CHRM2: variants seen among roughly 807,000 people sequenced by gnomAD.
The protein encoded by CHRM2 is cholinergic receptor muscarinic 2.
Under a neutral mutation model 25.0 loss-of-function variants are expected in CHRM2, and 8 were observed. The observed-to-expected ratio is 0.32, with a 90% CI of 0.19 to 0.58. The LOEUF (loss-of-function observed/expected upper bound fraction) is 0.58. Ranked by LOEUF, CHRM2 falls within the 20% of genes least tolerant of loss-of-function variation. CHRM2 has a pLI of 0.88. For synonymous variants in CHRM2, 202 were observed against 205.7 expected (o/e 0.98, Z 0.15); for missense variants, 440 against 567.1 (o/e 0.78, Z 2.28).
intron 2 of CHRM2, among the ~76,000 whole-genome samples, chr7:136,914,707 T>C (rs1279497641): frequency 6.6e-6 from 1 of 151,950 alleles, no homozygotes; most frequent in Non-Finnish European, 1.5e-5. Context: ...TTTTTGAGCC[T>C]CAGCTTTCTC....
At chr7:137,011,215 G>GTGTGTGTGTGTGTATATA in intron 3 of CHRM2, among the ~76,000 whole-genome samples, 66 of 134,326 alleles carry the variant, frequency 4.9e-4, no homozygotes, top group South Asian at 1.3e-3. Context: ...GTGTGTGTGT[G>GTGTGTGTGTGTGTATATA]TATATATATA....
intron 2 of CHRM2, among the ~76,000 whole-genome samples, chr7:136,875,258 GTATT>G (rs1796010100): frequency 6.6e-6 from 1 of 151,568 alleles, no homozygotes; most frequent in African/African-American, 2.4e-5. Flanking sequence ...AAGAGTGGAG[GTATT>G]TGTTAGGTGA....
At chr7:136,980,742 G>A (rs573990635) in intron 2 of CHRM2, among the ~76,000 whole-genome samples, 2 of 152,228 alleles carry the variant, frequency 1.3e-5, no homozygotes, top group Admixed American at 6.5e-5. Context: ...GATGGATTAC[G>A]TTTATTGATT....
intron 3 of CHRM2, among the ~76,000 whole-genome samples, chr7:137,011,355 G>A (rs968152084): frequency 6.6e-6 from 1 of 151,804 alleles, no homozygotes; most frequent in Non-Finnish European, 1.5e-5. Flanking sequence ...CAGAACTAGG[G>A]AAGTGGATGG....
intron 3 of CHRM2, among the ~76,000 whole-genome samples, chr7:137,003,522 A>T (rs1804210472): frequency 1.4e-5 from 1 of 70,084 alleles, no homozygotes; most frequent in African/African-American, 6.5e-5. Flanking sequence ...ACACACACAC[A>T]CACACACACA....
chr7:136,999,935 A>G (rs1654760109), intron 3 of CHRM2, among the ~76,000 whole-genome samples: 1 of 151,464 alleles, frequency 6.6e-6, no homozygotes. Context: ...AATTGTTATT[A>G]TATGGAATAA....
In CHRM2 at chr7:137,016,190, T is replaced by C; in HGVS notation, c.1325T>C (p.Leu442Pro). 6.2e-7 allele frequency: 1 copy of C among 1,613,084 alleles called. No homozygotes were observed. The highest frequency in any genetic ancestry group is 8.5e-7 in the Non-Finnish European group (1 of 1,179,354). ...NSTINPACYA[L>P]CNATFKKTFK... is the part of the protein sequence containing the mutation. ...ACTATCAACCCTGCCTGCTATGCAC[T>C]TTGCAATGCCACCTTCAAGAAGACC... is the stretch of plus-strand genomic sequence containing the variant. The change falls in exon 4 of 4, where the codon CTT (leucine) becomes CCT (proline). Residue 442 changes from leucine (L) to proline (P), a missense_variant. Physicochemically the swap from Leu to Pro is moderately conservative, Grantham distance 98 (BLOSUM62 -3). Coordinates refer to ENST00000680005, the MANE Select transcript of CHRM2 (RefSeq NM_001006630.2).
rs559018276 is a variant in CHRM2 at position 136,873,271 on chromosome 7, A to G, written c.-125+3853A>G. On this transcript the variant is annotated intron_variant, in intron 2 of 3. Transcript: ENST00000680005. Reference sequence around the variant, plus strand: ...TAAGTATACTGATTGCATATCCCACAGCTCACCTGGCCTATGTGGTGGAGG... The same window carrying G: ...TAAGTATACTGATTGCATATCCCACGGCTCACCTGGCCTATGTGGTGGAGG... Among the ~76,000 whole-genome samples, 16 of 152,320 alleles carry G rather than the reference A, an allele frequency of 1.1e-4. No individual in the cohort carries two copies. The South Asian group carries it at 2.7e-3, about 26-fold the overall frequency.
At chr7:136,909,690 A>G (rs903934445) in intron 2 of CHRM2, among the ~76,000 whole-genome samples, 1 of 151,912 alleles carries the variant, frequency 6.6e-6, no homozygotes, top group African/African-American at 2.4e-5. Context: ...CACTTCAAGC[A>G]TGTTTATATA....
chr7:136,912,972 T>C (rs1797923405), intron 2 of CHRM2, among the ~76,000 whole-genome samples: 1 of 151,882 alleles, frequency 6.6e-6, no homozygotes, highest in African/African-American at 2.4e-5. Context: ...GTAAGTGTTA[T>C]TATGTTAGTA....
chr7:136,944,140 C>CA (rs1387777533), intron 2 of CHRM2, among the ~76,000 whole-genome samples: 1 of 152,038 alleles, frequency 6.6e-6, no homozygotes, highest in Non-Finnish European at 1.5e-5. Flanking sequence ...TGTTTGGTTA[C>CA]ATGAATAATT....
intron 2 of CHRM2, among the ~76,000 whole-genome samples, chr7:136,911,851 T>A (rs1797859064): frequency 1.3e-5 from 2 of 151,950 alleles, no homozygotes; most frequent in South Asian, 4.1e-4. Flanking sequence ...TTAGATATTG[T>A]GTGTAAAGGA....
chr7:136,887,009 A>G (rs368829311), intron 2 of CHRM2, among the ~76,000 whole-genome samples: 4 of 152,244 alleles, frequency 2.6e-5, no homozygotes, highest in African/African-American at 9.6e-5. Context: ...AAAGGATACA[A>G]TGTAGCAAAT....
intron 2 of CHRM2, among the ~76,000 whole-genome samples, chr7:136,921,404 C>T (rs774820171): frequency 3.3e-5 from 5 of 152,172 alleles, no homozygotes; most frequent in Admixed American, 1.3e-4. Context: ...GAACAGCTTA[C>T]ATGATCTCTT....
intron 2 of CHRM2, among the ~76,000 whole-genome samples, chr7:136,894,402 C>T (rs968135481): frequency 1.3e-5 from 2 of 152,092 alleles, no homozygotes; most frequent in African/African-American, 4.8e-5. Flanking sequence ...ACAGGAGTCT[C>T]GCTTTGTTAC....
At chr7:137,005,301 C>G (rs1316874526) in intron 3 of CHRM2, among the ~76,000 whole-genome samples, 1 of 152,070 alleles carries the variant, frequency 6.6e-6, no homozygotes, top group African/African-American at 2.4e-5. Flanking sequence ...CTCTTTCTCT[C>G]CATAAGCAAT....
chr7:136,938,577 C>T (rs1799559641), intron 2 of CHRM2: 3 of 889,858 alleles, frequency 3.4e-6, no homozygotes, highest in Non-Finnish European at 5.7e-6. Context: ...CCACCATAGC[C>T]GCTGCCCAGG....
At chr7:137,007,089 G>A (rs745700788) in intron 3 of CHRM2, among the ~76,000 whole-genome samples, 8 of 152,082 alleles carry the variant, frequency 5.3e-5, no homozygotes, top group Non-Finnish European at 8.8e-5. Context: ...AGTGGTATGC[G>A]AAAGGAGAAA....
At chr7:136,900,320 A>AT (rs986192141) in intron 2 of CHRM2, among the ~76,000 whole-genome samples, 6 of 152,034 alleles carry the variant, frequency 3.9e-5, no homozygotes, top group South Asian at 4.2e-4. Flanking sequence ...CAAGTTAACT[A>AT]TTTTTTTTAA....
Sources: allele counts gnomAD v4.1 joint callset (sites outside exome capture counted in the v4.1 genomes callset), GRCh38; gene constraint gnomAD v4.1.1; transcripts MANE v1.5; gene names NCBI Gene and HGNC (gene_info 2026-07-23, HGNC 2026-07-21).